Variants in CSMD1 observed in about 807,000 individuals in gnomAD.
The protein encoded by CSMD1 is CUB and Sushi multiple domains 1, also known as CUB and sushi domain-containing protein 1.
Under a neutral mutation model 417.5 loss-of-function variants are expected in CSMD1, and 213 were observed. That is an observed-to-expected ratio of 0.51 (90% CI 0.46 to 0.57). The LOEUF (loss-of-function observed/expected upper bound fraction) is 0.57, where lower values mean the gene tolerates loss of function less well. Ranked by LOEUF, CSMD1 falls within the 20% of genes least tolerant of loss-of-function variation. The pLI is 0.00. For synonymous variants in CSMD1, 2,862 were observed against 1,736.8 expected (o/e 1.65, Z -16.11); for missense variants, 6,923 against 4,529.7 (o/e 1.53, Z -15.17).
intron 5 of CSMD1, among the ~76,000 whole-genome samples, chr8:3,842,083 G>T (rs1016436627): frequency 2.0e-5 from 3 of 152,152 alleles, no homozygotes; most frequent in African/African-American, 7.2e-5. Flanking sequence ...CACACTAAAT[G>T]TAACTGGAAA....
intron 3 of CSMD1, among the ~76,000 whole-genome samples, chr8:4,165,447 C>T (rs978494509): frequency 6.6e-6 from 1 of 152,184 alleles, no homozygotes; most frequent in Non-Finnish European, 1.5e-5. Flanking sequence ...TGCTATGTCG[C>T]CCAGGCTGAG....
chr8:3,314,131 G>A (rs895276431), intron 23 of CSMD1, among the ~76,000 whole-genome samples: 1 of 151,744 alleles, frequency 6.6e-6, no homozygotes, highest in Non-Finnish European at 1.5e-5. Context: ...GGGGTGGGGG[G>A]AGTGGGGAGG....
At chr8:2,968,735 T>C (rs1804190177) in intron 57 of CSMD1, among the ~76,000 whole-genome samples, 1 of 151,890 alleles carries the variant, frequency 6.6e-6, no homozygotes, top group Non-Finnish European at 1.5e-5. Flanking sequence ...ATAGATTAAA[T>C]TTAGAGGAGA....
At chr8:4,616,880 T>C (rs1054318396) in intron 2 of CSMD1, among the ~76,000 whole-genome samples, 3 of 152,212 alleles carry the variant, frequency 2.0e-5, no homozygotes, top group South Asian at 4.1e-4. Context: ...AAAATTATAG[T>C]TTGTTTTACT....
At chr8:4,498,689 T>C (rs993900999) in intron 2 of CSMD1, among the ~76,000 whole-genome samples, 4 of 152,154 alleles carry the variant, frequency 2.6e-5, no homozygotes, top group African/African-American at 9.7e-5. Flanking sequence ...AGTACCTACT[T>C]TGTGGTTCCA....
intron 67 of CSMD1, among the ~76,000 whole-genome samples, chr8:2,949,895 G>C (rs530543297): frequency 2.0e-5 from 3 of 152,230 alleles, no homozygotes; most frequent in African/African-American, 7.2e-5. Context: ...GAGCAGCGTG[G>C]TTATCAAGCG....
chr8:4,862,848 C>G (rs945902256), intron 1 of CSMD1, among the ~76,000 whole-genome samples: 3 of 151,910 alleles, frequency 2.0e-5, no homozygotes, highest in African/African-American at 4.8e-5. Context: ...AGTGTGACTC[C>G]AAGTCTTAAG....
chr8:4,822,814 T>C (rs1262662548), intron 1 of CSMD1, among the ~76,000 whole-genome samples: 2 of 152,140 alleles, frequency 1.3e-5, no homozygotes, highest in Non-Finnish European at 2.9e-5. Flanking sequence ...CTTGGTTTGA[T>C]GAAACCATAT....
At position 4,322,236 on chromosome 8, in the gene CSMD1, T is replaced by C. The variant is rs551039351; in HGVS notation, c.415+97717A>G. On this transcript the variant is annotated intron_variant, in intron 3 of 69. Coordinates refer to ENST00000635120, the MANE Select transcript of CSMD1 (RefSeq NM_033225.6). ...TATAGATAATTCACATGTAATTTTA[T>C]TTGAAAACATACTGTATTTAAAATA... 2.0e-5 allele frequency among the ~76,000 whole-genome samples: 3 copies of C among 152,350 alleles called. No individual in the cohort carries two copies. In the South Asian group the frequency reaches 6.2e-4, roughly 32 times the overall value.
At chr8:3,036,419 C>T (rs190554636) in intron 50 of CSMD1, among the ~76,000 whole-genome samples, 317 of 152,254 alleles carry the variant, frequency 2.1e-3, no homozygotes, top group African/African-American at 7.3e-3. Context: ...TCTCCCCTAT[C>T]GTACTCAATG....
At chr8:4,008,419 T>G (rs1298881683) in intron 4 of CSMD1, among the ~76,000 whole-genome samples, 1 of 151,630 alleles carries the variant, frequency 6.6e-6, no homozygotes, top group Non-Finnish European at 1.5e-5. Flanking sequence ...ATATAATTTT[T>G]TTTTATTTGG....
At chr8:4,080,415 G>C (rs1298243615) in intron 3 of CSMD1, among the ~76,000 whole-genome samples, 1 of 152,218 alleles carries the variant, frequency 6.6e-6, no homozygotes, top group Admixed American at 6.5e-5. Flanking sequence ...GTACTGGTGA[G>C]TAATCATGCC....
intron 37 of CSMD1, among the ~76,000 whole-genome samples, chr8:3,168,231 A>G (rs747548312): frequency 3.3e-5 from 5 of 152,186 alleles, no homozygotes; most frequent in Non-Finnish European, 7.3e-5. Context: ...CAGGTAGACC[A>G]TGAACACTAT....
intron 5 of CSMD1, among the ~76,000 whole-genome samples, chr8:3,970,078 C>T (rs1345611306): frequency 6.6e-6 from 1 of 152,198 alleles, no homozygotes; most frequent in African/African-American, 2.4e-5. Context: ...ATGTTAGGTG[C>T]TGCTCTAAAA....
chr8:4,924,174 A>C (rs573722759), intron 1 of CSMD1, among the ~76,000 whole-genome samples: 12 of 152,272 alleles, frequency 7.9e-5, no homozygotes, highest in African/African-American at 2.4e-4. Flanking sequence ...CAGATTTGAC[A>C]ATCTCTGCTA....
At chr8:4,000,520 G>T (rs1321955095) in intron 4 of CSMD1, among the ~76,000 whole-genome samples, 1 of 152,218 alleles carries the variant, frequency 6.6e-6, no homozygotes, top group African/African-American at 2.4e-5. Flanking sequence ...TAAGCCCCTT[G>T]TGTTGGGATA....
At chr8:4,167,416 A>T (rs1797517540) in intron 3 of CSMD1, among the ~76,000 whole-genome samples, 2 of 152,178 alleles carry the variant, frequency 1.3e-5, no homozygotes, top group African/African-American at 4.8e-5. Context: ...TGTTCATGTA[A>T]AAGAAATGGT....
chr8:4,383,237 A>G (rs1221676843), intron 3 of CSMD1, among the ~76,000 whole-genome samples: 3 of 152,208 alleles, frequency 2.0e-5, no homozygotes, highest in East Asian at 3.9e-4. Context: ...TTTTGGAAGT[A>G]GATTCTGAGC....
chr8:3,558,125 C>T (rs1459918302), intron 10 of CSMD1, among the ~76,000 whole-genome samples: 1 of 150,558 alleles, frequency 6.6e-6, no homozygotes, highest in Non-Finnish European at 1.5e-5. Context: ...CTCAATGGTA[C>T]CCCGTGTCCA....
Sources: gnomAD v4.1 joint callset for allele counts (sites outside exome capture counted in the v4.1 genomes callset) on GRCh38, gnomAD v4.1.1 for gene constraint, MANE v1.5 for transcripts, NCBI Gene and HGNC (gene_info 2026-07-23, HGNC 2026-07-21) for gene names.